The following DNAJC15 variants were observed in gnomAD, a reference collection of about 807,000 sequenced individuals.
DNAJC15 encodes the protein DnaJ heat shock protein family (Hsp40) member C15.
Under a neutral mutation model 22.4 loss-of-function variants are expected in DNAJC15, and 27 were observed. That is an observed-to-expected ratio of 1.20 (90% CI 0.89 to 1.66). DNAJC15 has a LOEUF of 1.66. DNAJC15 is among the 40% of genes most tolerant of loss of function. The pLI, the probability that DNAJC15 is intolerant of heterozygous loss-of-function variation, is 0.00. For synonymous variants in DNAJC15, 79 were observed against 63.2 expected (o/e 1.25, Z -1.19); for missense variants, 208 against 187.1 (o/e 1.11, Z -0.65).
At chr13:43,028,264 A>G (rs967081177) in intron 1 of DNAJC15, among the ~76,000 whole-genome samples, 3 of 152,194 alleles carry the variant, frequency 2.0e-5, no homozygotes, top group Non-Finnish European at 4.4e-5. Flanking sequence ...TTCCCTGAAC[A>G]TGCTGATTCT....
At chr13:43,034,100 TTTG>T (rs2040416465) in intron 1 of DNAJC15, among the ~76,000 whole-genome samples, 1 of 151,568 alleles carries the variant, frequency 6.6e-6, no homozygotes, top group African/African-American at 2.4e-5. Context: ...TATAAACATG[TTTG>T]TTGCAATTGA....
chr13:43,073,271 A>G (rs1177687545), intron 3 of DNAJC15, among the ~76,000 whole-genome samples: 1 of 152,236 alleles, frequency 6.6e-6, no homozygotes, highest in Non-Finnish European at 1.5e-5. Flanking sequence ...CTTTCAGAGC[A>G]AGGAGACTAG....
chr13:43,074,045 T>G (rs759249479), intron 3 of DNAJC15, among the ~76,000 whole-genome samples: 12 of 152,120 alleles, frequency 7.9e-5, no homozygotes, highest in Admixed American at 3.3e-4. Flanking sequence ...TTTATTTTGT[T>G]TTATGATCAA....
At chr13:43,083,565 C>G (rs1205556131) in intron 4 of DNAJC15, among the ~76,000 whole-genome samples, 1 of 152,138 alleles carries the variant, frequency 6.6e-6, no homozygotes, top group East Asian at 1.9e-4. Flanking sequence ...TACAGAACAG[C>G]TAGAAAACAT....
At position 43,111,927 on chromosome 13, in the gene DNAJC15, T is replaced by C. The variant is rs2040826718; in HGVS notation, c.*4679T>C. On this transcript the variant is annotated 3_prime_UTR_variant, in exon 6 of 6. Coordinates refer to ENST00000379221, the MANE Select transcript of DNAJC15 (RefSeq NM_013238.3). ...GTCAAAATTTTATTTATGGTGGCAT[T>C]ACACACATTAAGAGATGAGGACTTC... The C allele has an allele frequency of 6.6e-6, 1 of 152,232 alleles. No homozygotes were observed. Among genetic ancestry groups the C allele is most frequent in the South Asian group, 2.1e-4 (1 of 4,832 alleles). The allele number at this position is 152,232 out of a possible 1,614,324, so 9.4% of individuals were successfully genotyped here. A position where few individuals can be genotyped will look rare whatever the true frequency, so the allele number is the denominator to read the frequency against.
intron 1 of DNAJC15, among the ~76,000 whole-genome samples, chr13:43,036,164 G>GTTT (rs2040427773): frequency 1.5e-5 from 2 of 133,304 alleles, no homozygotes; most frequent in African/African-American, 6.0e-5. Flanking sequence ...TTCAGTTTCT[G>GTTT]TCTTTTTTTT....
intron 1 of DNAJC15, among the ~76,000 whole-genome samples, chr13:43,031,515 G>A (rs975947996): frequency 5.3e-5 from 8 of 152,224 alleles, no homozygotes; most frequent in Admixed American, 1.3e-4. Context: ...TTGAAAATGC[G>A]TTACAGTGGG....
At chr13:43,064,555 C>T (rs997594641) in intron 1 of DNAJC15, among the ~76,000 whole-genome samples, 1 of 152,220 alleles carries the variant, frequency 6.6e-6, no homozygotes, top group Admixed American at 6.5e-5. Flanking sequence ...TCTGTGGTTT[C>T]ACTTCTTAAT....
intron 2 of DNAJC15, among the ~76,000 whole-genome samples, 180 bp from the exon 3 acceptor site, chr13:43,068,750 A>T (rs1397588814): frequency 6.6e-6 from 1 of 152,084 alleles, no homozygotes; most frequent in Non-Finnish European, 1.5e-5. Flanking sequence ...ATTAACATGA[A>T]ATTTTGCCCT....
chr13:43,067,455 TATTA>T (rs1216021776), intron 2 of DNAJC15, among the ~76,000 whole-genome samples: 19 of 152,172 alleles, frequency 1.2e-4, no homozygotes, highest in African/African-American at 4.1e-4. Context: ...GGAATTTTAG[TATTA>T]ATTAGAGTAG....
chr13:43,067,281 CAG>C, intron 2 of DNAJC15, among the ~76,000 whole-genome samples: 1 of 152,136 alleles, frequency 6.6e-6, no homozygotes, highest in Non-Finnish European at 1.5e-5. Context: ...CTTCAACAAT[CAG>C]AACTTTAAAA....
chr13:43,042,077 G>A (rs938933415), intron 1 of DNAJC15, among the ~76,000 whole-genome samples: 5 of 152,104 alleles, frequency 3.3e-5, no homozygotes, highest in Admixed American at 2.0e-4. Context: ...TTATCTGTGG[G>A]TTCTGTGTTC....
rs551998489 is a variant in DNAJC15 at position 43,029,983 on chromosome 13, C to A, written c.108+6249C>A. ...TGTTATAGAATGATGAACGGACAGC[C>A]TTCAGGAATTAAAAAAAGAATAAGA... On this transcript the variant is annotated intron_variant, in intron 1 of 5. Transcript: ENST00000379221. Among the ~76,000 whole-genome samples the A allele has an allele frequency of 3.0e-3, 433 of 145,966 alleles. 2 individuals are homozygous for A. The highest frequency in any genetic ancestry group is 5.4e-3 in the Non-Finnish European group (351 of 65,320).
intron 5 of DNAJC15, among the ~76,000 whole-genome samples, chr13:43,100,175 G>T (rs2040760510): frequency 7.3e-6 from 1 of 136,256 alleles, no homozygotes. Context: ...TTTTTCCATT[G>T]TCTTAGGTTG....
chr13:43,100,205 CTTTTTTT>C (rs368386623), intron 5 of DNAJC15, among the ~76,000 whole-genome samples: 3 of 110,512 alleles, frequency 2.7e-5, no homozygotes, highest in East Asian at 2.7e-4. Flanking sequence ...TTATTGAAGT[CTTTTTTT>C]TTTTTTTTTT....
At chr13:43,095,003 T>A (rs1446046161) in intron 5 of DNAJC15, among the ~76,000 whole-genome samples, 2 of 152,212 alleles carry the variant, frequency 1.3e-5, no homozygotes, top group Non-Finnish European at 2.9e-5. Context: ...GTGGGGTTTT[T>A]TAGTGGTTGT....
At chr13:43,093,798 T>C (rs887865013) in intron 5 of DNAJC15, among the ~76,000 whole-genome samples, 1 of 152,184 alleles carries the variant, frequency 6.6e-6, no homozygotes, top group African/African-American at 2.4e-5. Flanking sequence ...GATAACATAA[T>C]CTTTATAAAA....
chr13:43,059,825 G>T (rs765225842), intron 1 of DNAJC15, among the ~76,000 whole-genome samples: 1 of 152,194 alleles, frequency 6.6e-6, no homozygotes, highest in Non-Finnish European at 1.5e-5. Flanking sequence ...TGGGATAGGC[G>T]GTGCAGTTAG....
chr13:43,079,531 TCTCTCCTTAC>T (rs2040652007), intron 4 of DNAJC15, among the ~76,000 whole-genome samples: 1 of 152,112 alleles, frequency 6.6e-6, no homozygotes, highest in African/African-American at 2.4e-5. Context: ...TTAGATGAGA[TCTCTCCTTAC>T]CAGACAATAG....
Sources: allele counts gnomAD v4.1 joint callset (sites outside exome capture counted in the v4.1 genomes callset), GRCh38; gene constraint gnomAD v4.1.1; transcripts MANE v1.5; gene names NCBI Gene and HGNC (gene_info 2026-07-23, HGNC 2026-07-21).